The following DRAM1 variants were observed in gnomAD, a reference collection of about 807,000 sequenced individuals.
DRAM1 encodes DNA damage regulated autophagy modulator 1.
Under a neutral mutation model 28.5 loss-of-function variants are expected in DRAM1, and 25 were observed. The observed-to-expected ratio is 0.88, with a 90% CI of 0.64 to 1.23. The LOEUF (loss-of-function observed/expected upper bound fraction) is 1.23. Among genes scored for constraint, DRAM1 ranks in the 50% most tolerant of loss-of-function variants. The pLI, the probability that DRAM1 is intolerant of heterozygous loss-of-function variation, is 0.00. For missense variants in DRAM1, 249 were observed against 299.2 expected (o/e 0.83, Z 1.24); for synonymous variants, 113 against 114.2 (o/e 0.99, Z 0.07).
intron 3 of DRAM1, among the ~76,000 whole-genome samples, chr12:101,907,559 C>A (rs538657599): frequency 2.0e-5 from 3 of 151,500 alleles, no homozygotes; most frequent in Admixed American, 6.6e-5. Flanking sequence ...GCCAACATGG[C>A]GAAACCCCGT....
At position 101,897,932 on chromosome 12, in the gene DRAM1, T is replaced by G; in HGVS notation, c.199+2T>G. 6.4e-7 allele frequency: 1 copy of G among 1,552,210 alleles called. No individual in the cohort carries two copies. The highest frequency in any genetic ancestry group is 8.9e-7 in the Non-Finnish European group (1 of 1,124,422). On this transcript the variant is annotated splice_donor_variant, in intron 2 of 6. Coordinates refer to ENST00000258534, the MANE Select transcript of DRAM1 (RefSeq NM_018370.3). LOFTEE classifies it high-confidence loss of function. ...TGATAAACTTCTCTGCATTTCTTGG[T>G]AAGTACACAATAATTATTATAAATA...
chr12:101,919,626 A>G (rs539322117), intron 5 of DRAM1, among the ~76,000 whole-genome samples: 5 of 152,202 alleles, frequency 3.3e-5, no homozygotes, highest in East Asian at 1.9e-4. Context: ...GATCATTTCT[A>G]TATAAACAGG....
chr12:101,877,803 TG>T lies in DRAM1; in HGVS notation c.15del (p.Arg6GlyfsTer11). The T allele has an allele frequency of 6.5e-7, 1 of 1,535,558 alleles. No homozygotes were observed. MLCF[L>X]RGMAFVPFLL... Reference sequence around the variant, plus strand: ...GGCGGCGGCGCGATGCTGTGCTTCCTGAGGGGAATGGCTTTCGTCCCCTTCC... The same window carrying T: ...GGCGGCGGCGCGATGCTGTGCTTCCTAGGGGAATGGCTTTCGTCCCCTTCC... On this transcript the variant is annotated frameshift_variant, in exon 1 of 7. Coordinates refer to ENST00000258534, the MANE Select transcript of DRAM1 (RefSeq NM_018370.3). LOFTEE classifies it high-confidence loss of function. The surrounding 1 kb of genome is among the most constrained non-coding windows in gnomAD (Gnocchi z 4.1).
chr12:101,901,527 T>C (rs1873605401), intron 3 of DRAM1, 94 bp downstream of exon 3: 1 of 1,425,228 alleles, frequency 7.0e-7, no homozygotes, highest in African/African-American at 1.4e-5. Flanking sequence ...TATGCCATTA[T>C]AGCCATTAAA....
At chr12:101,878,957 A>G (rs1320781006) in intron 1 of DRAM1, among the ~76,000 whole-genome samples, 1 of 151,546 alleles carries the variant, frequency 6.6e-6, no homozygotes, top group African/African-American at 2.4e-5. Flanking sequence ...GAGAAAGGGG[A>G]AACAAAGATC....
intron 4 of DRAM1, among the ~76,000 whole-genome samples, chr12:101,909,568 C>T (rs1460819443): frequency 6.6e-6 from 1 of 152,144 alleles, no homozygotes; most frequent in Non-Finnish European, 1.5e-5. Context: ...TTGATTTACT[C>T]ATTCATGTGA....
chr12:101,915,603 C>T (rs982042829), intron 5 of DRAM1, among the ~76,000 whole-genome samples: 1 of 150,790 alleles, frequency 6.6e-6, no homozygotes, highest in Non-Finnish European at 1.5e-5. Context: ...AGTGCAATGG[C>T]GCGATCTCGG....
intron 1 of DRAM1, among the ~76,000 whole-genome samples, chr12:101,897,044 C>T (rs1257899280): frequency 2.0e-5 from 3 of 152,084 alleles, no homozygotes; most frequent in Non-Finnish European, 2.9e-5. Flanking sequence ...GCCTCAGCCT[C>T]CCAAAGTGCT....
intron 1 of DRAM1, among the ~76,000 whole-genome samples, chr12:101,882,959 A>G (rs1872742123): frequency 6.7e-6 from 1 of 150,354 alleles, no homozygotes; most frequent in South Asian, 2.3e-4. Flanking sequence ...ACTACAAATG[A>G]CTATCAGTAG....
chr12:101,919,245 C>T (rs1379083958), intron 5 of DRAM1, among the ~76,000 whole-genome samples: 1 of 151,700 alleles, frequency 6.6e-6, no homozygotes, highest in East Asian at 1.9e-4. Flanking sequence ...CAGGAGATAT[C>T]ACACACAGAC....
chr12:101,887,109 C>T (rs547469408), intron 1 of DRAM1, among the ~76,000 whole-genome samples: 4 of 146,636 alleles, frequency 2.7e-5, no homozygotes, highest in African/African-American at 7.7e-5. Context: ...TGTGCCATTG[C>T]ACTCCAGCCT....
At chr12:101,897,604 A>T (rs1467196747) in intron 1 of DRAM1, among the ~76,000 whole-genome samples, 2 of 151,748 alleles carry the variant, frequency 1.3e-5, no homozygotes, top group East Asian at 3.9e-4. Context: ...GGGTTCGATC[A>T]TTTGAAAAAT....
intron 1 of DRAM1, among the ~76,000 whole-genome samples, chr12:101,883,347 T>G (rs1872757876): frequency 7.1e-6 from 1 of 141,198 alleles, no homozygotes; most frequent in South Asian, 2.9e-4. Context: ...GGAGTTTCAC[T>G]CTTGTTGCCC....
At chr12:101,891,951 T>C (rs995693422) in intron 1 of DRAM1, among the ~76,000 whole-genome samples, 1 of 152,144 alleles carries the variant, frequency 6.6e-6, no homozygotes. Context: ...CAAATACTAC[T>C]ACCTCTGCCC....
intron 1 of DRAM1, among the ~76,000 whole-genome samples, chr12:101,882,813 C>T (rs1043195440): frequency 1.3e-5 from 2 of 149,684 alleles, no homozygotes; most frequent in African/African-American, 4.9e-5. Context: ...ACACACACCC[C>T]CCCATCATTT....
intron 1 of DRAM1, among the ~76,000 whole-genome samples, chr12:101,892,798 A>C (rs1873188492): frequency 6.6e-6 from 1 of 152,140 alleles, no homozygotes; most frequent in Non-Finnish European, 1.5e-5. Context: ...ACAAATTGAT[A>C]ATTGTTATCT....
intron 1 of DRAM1, among the ~76,000 whole-genome samples, chr12:101,880,719 G>A (rs1039078037): frequency 5.9e-5 from 9 of 152,186 alleles, no homozygotes; most frequent in Non-Finnish European, 1.2e-4. Flanking sequence ...GGTGTCTGAT[G>A]TAGTTGTGAT....
chr12:101,877,799 T>A lies in DRAM1; in HGVS notation c.10T>A (p.Phe4Ile). The A allele has an allele frequency of 1.3e-6, 2 of 1,532,716 alleles. No individual in the cohort carries two copies. The highest frequency in any genetic ancestry group is 1.8e-6 in the Non-Finnish European group (2 of 1,137,958). 94.9% of individuals were successfully genotyped at this position (1,532,716 alleles called of 1,614,324 possible). The part of the protein sequence containing the change: MLC[F>I]LRGMAFVPFL... ...CGGCGGCGGCGGCGCGATGCTGTGC[T>A]TCCTGAGGGGAATGGCTTTCGTCCC... Residue 4 changes from phenylalanine to isoleucine, a missense_variant, in exon 1 of 7, where the codon TTC becomes ATC. This residue lies in a region of DRAM1 where 218 missense variants were observed against 243.1 expected (regional missense o/e 0.90). Transcript: ENST00000258534. This position sits in a 1 kb window ranked among gnomAD's most constrained non-coding sequence, Gnocchi z 4.1.
chr12:101,882,020 C>T (rs1872701842), intron 1 of DRAM1, among the ~76,000 whole-genome samples: 1 of 151,432 alleles, frequency 6.6e-6, no homozygotes, highest in African/African-American at 2.4e-5. Context: ...CATGGCCATT[C>T]TGTTTGGTGG....
Sources: allele counts gnomAD v4.1 joint callset (sites outside exome capture counted in the v4.1 genomes callset), GRCh38; gene constraint gnomAD v4.1.1; regional missense constraint gnomAD v4.1.1; non-coding constraint Gnocchi (gnomAD v3.1); transcripts MANE v1.5; gene names NCBI Gene and HGNC (gene_info 2026-07-23, HGNC 2026-07-21).